Variants in ANKRD44 observed in about 807,000 individuals in gnomAD.
ANKRD44 encodes ankyrin repeat domain 44, also known as serine/threonine-protein phosphatase 6 regulatory ankyrin repeat subunit B.
ANKRD44 carries 35 observed loss-of-function variants against 116.0 expected under a neutral mutation model. The ratio of observed to expected loss-of-function variants is 0.30; its 90% CI spans 0.23 to 0.40. ANKRD44 has a LOEUF of 0.40. Ranked by LOEUF, ANKRD44 falls within the 10% of genes least tolerant of loss-of-function variation. The pLI is 1.00. For synonymous variants in ANKRD44, 435 were observed against 461.8 expected (o/e 0.94, Z 0.74); for missense variants, 1,014 against 1,242.6 (o/e 0.82, Z 2.77).
intron 16 of ANKRD44, among the ~76,000 whole-genome samples, chr2:197,062,887 T>C (rs918993353): frequency 2.6e-5 from 4 of 152,216 alleles, no homozygotes; most frequent in Non-Finnish European, 5.9e-5. Context: ...ACTCCACCTC[T>C]GGGGGCAGGG....
chr2:197,031,575 T>C (rs1262253900), intron 16 of ANKRD44, among the ~76,000 whole-genome samples: 1 of 152,214 alleles, frequency 6.6e-6, no homozygotes, highest in Non-Finnish European at 1.5e-5. Context: ...TAACCTTTCA[T>C]CTAATTTAAT....
intron 8 of ANKRD44, among the ~76,000 whole-genome samples, chr2:197,114,979 A>G (rs1309642798): frequency 2.0e-5 from 3 of 152,188 alleles, no homozygotes; most frequent in Admixed American, 6.5e-5. Flanking sequence ...TACCGTCCCT[A>G]TCACTGCCTA....
At chr2:197,257,735 A>C (rs897978192) in intron 1 of ANKRD44, among the ~76,000 whole-genome samples, 6 of 152,224 alleles carry the variant, frequency 3.9e-5, no homozygotes, top group Non-Finnish European at 8.8e-5. Context: ...ACAAAAAGTA[A>C]AAATTTTTTA....
At chr2:197,109,814 C>T (rs1019286347) in intron 9 of ANKRD44, among the ~76,000 whole-genome samples, 1 of 152,090 alleles carries the variant, frequency 6.6e-6, no homozygotes, top group Non-Finnish European at 1.5e-5. Flanking sequence ...AGAAGTGATG[C>T]TGCTGGCCAT....
At chr2:197,005,666 G>T in intron 21 of ANKRD44, 28 bp downstream of exon 21, 1 of 1,608,904 alleles carries the variant, frequency 6.2e-7, no homozygotes, top group Non-Finnish European at 8.5e-7. Context: ...GAAGTCTAGT[G>T]GAATCAGTCA....
chr2:197,295,731 A>G (rs890923068), intron 1 of ANKRD44, among the ~76,000 whole-genome samples: 1 of 152,204 alleles, frequency 6.6e-6, no homozygotes, highest in African/African-American at 2.4e-5. Context: ...TAAGAAAAAT[A>G]CTATTCAGCC....
intron 9 of ANKRD44, among the ~76,000 whole-genome samples, chr2:197,106,785 G>A (rs1039190523): frequency 2.1e-4 from 25 of 118,006 alleles, no homozygotes; most frequent in Non-Finnish European, 3.8e-4. Context: ...GCAAGACTCC[G>A]TCTCAAATAT....
At chr2:197,280,371 G>GTAA (rs2083229056) in intron 1 of ANKRD44, among the ~76,000 whole-genome samples, 2 of 152,186 alleles carry the variant, frequency 1.3e-5, no homozygotes, top group Non-Finnish European at 2.9e-5. Flanking sequence ...GAAACTGCTC[G>GTAA]TAACAAAAGC....
intron 10 of ANKRD44, chr2:197,099,584 T>C (rs756918110): frequency 1.4e-5 from 17 of 1,216,356 alleles, no homozygotes; most frequent in Non-Finnish European, 1.6e-5. Flanking sequence ...TTTCCTTAAT[T>C]AAAACCACTG....
intron 20 of ANKRD44, among the ~76,000 whole-genome samples, chr2:197,006,712 C>T (rs1263762424): frequency 6.6e-6 from 1 of 152,144 alleles, no homozygotes; most frequent in Non-Finnish European, 1.5e-5. Flanking sequence ...GATCACATAG[C>T]GTTCCTCTTC....
intron 18 of ANKRD44, among the ~76,000 whole-genome samples, chr2:197,012,557 C>A (rs1482158637): frequency 1.3e-5 from 2 of 150,340 alleles, no homozygotes; most frequent in Non-Finnish European, 3.0e-5. Flanking sequence ...TTTTTTTTTC[C>A]AGCAACAATC....
intron 2 of ANKRD44, among the ~76,000 whole-genome samples, chr2:197,178,739 A>G (rs745441929): frequency 1.4e-4 from 21 of 152,216 alleles, no homozygotes; most frequent in Non-Finnish European, 2.9e-4. Flanking sequence ...CCAAGATTGC[A>G]GAAATATTTT....
chr2:196,975,613 G>GT (rs34870683), intron 21 of ANKRD44, among the ~76,000 whole-genome samples: 94 of 144,782 alleles, frequency 6.5e-4, no homozygotes, highest in South Asian at 3.5e-3. Context: ...GTGTCACACT[G>GT]TTTTTTTTTT....
chr2:197,304,849 T>C (rs1180044333), intron 1 of ANKRD44, among the ~76,000 whole-genome samples: 1 of 152,244 alleles, frequency 6.6e-6, no homozygotes, highest in Non-Finnish European at 1.5e-5. Flanking sequence ...ACATGGAAGC[T>C]GTTTCCCAAC....
At chr2:197,069,757 A>G (rs2077520095) in intron 16 of ANKRD44, among the ~76,000 whole-genome samples, 1 of 152,178 alleles carries the variant, frequency 6.6e-6, no homozygotes, top group Admixed American at 6.6e-5. Flanking sequence ...TATTCCATAT[A>G]AATTTTAGAA....
chr2:197,186,612 C>CTTTTTTTTTTTTTTTTTTTTTT lies in ANKRD44; in HGVS notation c.111+389_111+410dup, dbSNP rs149107038. Among the ~76,000 whole-genome samples, 14 of 50,808 alleles carry CTTTTTTTTTTTTTTTTTTTTTT rather than the reference C, an allele frequency of 2.8e-4. 1 individual carries two copies. The highest frequency in any genetic ancestry group is 3.5e-4 in the Non-Finnish European group (8 of 22,762). 33.3% of individuals were successfully genotyped at this position (50,808 alleles called of 152,430 possible). On this transcript the variant is annotated intron_variant, in intron 2 of 27. Coordinates refer to ENST00000282272, the MANE Select transcript of ANKRD44 (RefSeq NM_001195144.2). ...CCATCACTATGCCCGGCTAATTTTT[C>CTTTTTTTTTTTTTTTTTTTTTT]TTTTTTTTTTTTTTTTTTTTTTTTT...
chr2:197,103,381 C>G (rs1312239484), intron 9 of ANKRD44, among the ~76,000 whole-genome samples: 2 of 151,952 alleles, frequency 1.3e-5, no homozygotes, highest in Non-Finnish European at 2.9e-5. Flanking sequence ...ATATAGATAT[C>G]TGATCCTTTT....
At chr2:197,091,738 C>G (rs2078047366) in intron 10 of ANKRD44, among the ~76,000 whole-genome samples, 1 of 152,122 alleles carries the variant, frequency 6.6e-6, no homozygotes, top group South Asian at 2.1e-4. Context: ...TTAATAATGG[C>G]TATATTGTTG....
chr2:197,154,559 A>C (rs1183011131), intron 2 of ANKRD44, among the ~76,000 whole-genome samples: 1 of 152,042 alleles, frequency 6.6e-6, no homozygotes, highest in African/African-American at 2.4e-5. Context: ...AACTGCCTAT[A>C]TGTATCTTTA....
Sources: allele counts gnomAD v4.1 joint callset (sites outside exome capture counted in the v4.1 genomes callset), GRCh38; gene constraint gnomAD v4.1.1; transcripts MANE v1.5; gene names NCBI Gene and HGNC (gene_info 2026-07-23, HGNC 2026-07-21).